The following SLC35F4 variants were observed in gnomAD, a reference collection of about 807,000 sequenced individuals.
SLC35F4 encodes the protein solute carrier family 35 member F4.
In SLC35F4, 24 loss-of-function variants were observed where a neutral mutation model predicts 44.2. That is an observed-to-expected ratio of 0.54 (90% confidence interval 0.39 to 0.76). The LOEUF (loss-of-function observed/expected upper bound fraction) is 0.76, where lower values mean the gene tolerates loss of function less well. Ranked by LOEUF, SLC35F4 falls within the 30% of genes least tolerant of loss-of-function variation. SLC35F4 has a pLI of 0.00. For missense variants in SLC35F4, 562 were observed against 586.1 expected (o/e 0.96, Z 0.42); for synonymous variants, 238 against 223.6 (o/e 1.06, Z -0.57).
At chr14:57,959,013 A>T (rs747519302) in intron 1 of SLC35F4, among the ~76,000 whole-genome samples, 1 of 152,210 alleles carries the variant, frequency 6.6e-6, no homozygotes, top group Non-Finnish European at 1.5e-5. Flanking sequence ...GACTGGGTCC[A>T]TGTGGCAGGG....
chr14:57,927,252 T>C (rs1409354325), intron 1 of SLC35F4, among the ~76,000 whole-genome samples: 2 of 152,306 alleles, frequency 1.3e-5, no homozygotes, highest in East Asian at 3.9e-4. Flanking sequence ...ATGCCTGCCT[T>C]AGGGGTAAGA....
In SLC35F4 at chr14:57,838,548, G is replaced by C. The variant is rs574173009; in HGVS notation, c.103+27175C>G. On this transcript the variant is annotated intron_variant, in intron 1 of 7. Transcript: ENST00000556826. ...TGAAATATAATTTAGTACTGTCTCT[G>C]CCTTTGAGGTCCAATGTTTGTTTAA... is the stretch of plus-strand genomic sequence containing the variant. Among the ~76,000 whole-genome samples, 190 of 152,246 alleles carry C rather than the reference G, an allele frequency of 1.2e-3. 5 individuals are homozygous for C. The South Asian group carries it at 0.039, about 31-fold the overall frequency.
chr14:57,943,331 G>A (rs1481328154), intron 1 of SLC35F4, among the ~76,000 whole-genome samples: 1 of 152,098 alleles, frequency 6.6e-6, no homozygotes, highest in Non-Finnish European at 1.5e-5. Context: ...AAAGAGCAGT[G>A]GGATTCTTAT....
At chr14:57,756,213 A>G (rs920848051) in intron 1 of SLC35F4, among the ~76,000 whole-genome samples, 2 of 151,980 alleles carry the variant, frequency 1.3e-5, no homozygotes, top group African/African-American at 4.8e-5. Context: ...AATGCCACAC[A>G]TTTTCCTCCA....
chr14:57,749,918 C>A (rs769124256), intron 1 of SLC35F4, among the ~76,000 whole-genome samples: 1 of 152,108 alleles, frequency 6.6e-6, no homozygotes, highest in African/African-American at 2.4e-5. Context: ...AATTTATATA[C>A]ATTTATGGGA....
chr14:57,925,079 C>T (rs808236), intron 1 of SLC35F4, among the ~76,000 whole-genome samples: 30,684 of 151,856 alleles, frequency 0.2, 3,317 homozygotes, highest in East Asian at 0.27. Flanking sequence ...AACAAGCTCT[C>T]GCAGGAACTA....
intron 6 of SLC35F4, among the ~76,000 whole-genome samples, chr14:57,569,426 C>T (rs1005620673): frequency 1.2e-4 from 19 of 152,150 alleles, no homozygotes; most frequent in African/African-American, 3.9e-4. Context: ...TTTGAATGCA[C>T]CGTCTACTCC....
chr14:57,966,779 G>A (rs916429432), intron 1 of SLC35F4, among the ~76,000 whole-genome samples: 4 of 152,188 alleles, frequency 2.6e-5, no homozygotes, highest in African/African-American at 7.2e-5. Flanking sequence ...GGGGACCAAG[G>A]CAGGTGGATC....
chr14:57,667,992 C>T (rs1361820194), intron 1 of SLC35F4, among the ~76,000 whole-genome samples: 2 of 144,004 alleles, frequency 1.4e-5, no homozygotes, highest in African/African-American at 5.3e-5. Context: ...CTCTCCAGCA[C>T]CTGTTGTTTC....
chr14:57,895,525 A>T (rs1888852619), intron 1 of SLC35F4, among the ~76,000 whole-genome samples: 1 of 151,866 alleles, frequency 6.6e-6, no homozygotes, highest in Admixed American at 6.6e-5. Context: ...ATGAGTTCTC[A>T]TGAGATCTGA....
chr14:57,902,214 A>T (rs1889015466), intron 1 of SLC35F4, among the ~76,000 whole-genome samples: 1 of 152,208 alleles, frequency 6.6e-6, no homozygotes, highest in Admixed American at 6.5e-5. Context: ...TCCTTTTGAG[A>T]AAGCAATTTG....
At chr14:57,709,526 C>G (rs966578246) in intron 1 of SLC35F4, among the ~76,000 whole-genome samples, 2 of 151,886 alleles carry the variant, frequency 1.3e-5, no homozygotes, top group African/African-American at 4.8e-5. Flanking sequence ...TCTAGTATAA[C>G]TATTCTTATT....
intron 1 of SLC35F4, among the ~76,000 whole-genome samples, chr14:57,756,863 T>C (rs1229332547): frequency 6.6e-6 from 1 of 151,846 alleles, no homozygotes; most frequent in Non-Finnish European, 1.5e-5. Flanking sequence ...GTTTTCACCA[T>C]GTTGCCCAAG....
intron 1 of SLC35F4, among the ~76,000 whole-genome samples, chr14:57,675,761 A>T (rs62004038): frequency 6.6e-6 from 1 of 152,028 alleles, no homozygotes; most frequent in African/African-American, 2.4e-5. Flanking sequence ...ATCTGCACCT[A>T]TTGAGATGAT....
intron 1 of SLC35F4, among the ~76,000 whole-genome samples, chr14:57,897,490 C>T (rs1955644): frequency 0.091 from 13,720 of 151,594 alleles, 685 homozygotes; most frequent in Middle Eastern, 0.11. Flanking sequence ...AGCGACTGAA[C>T]TATAAACTCC....
intron 1 of SLC35F4, among the ~76,000 whole-genome samples, chr14:57,854,608 G>T (rs1199648360): frequency 6.6e-6 from 1 of 152,120 alleles, no homozygotes; most frequent in Non-Finnish European, 1.5e-5. Context: ...CTTCAGCTGA[G>T]ATTCCACCTT....
At chr14:57,622,626 A>G (rs1279766352) in intron 1 of SLC35F4, among the ~76,000 whole-genome samples, 2 of 28,808 alleles carry the variant, frequency 6.9e-5, no homozygotes, top group African/African-American at 1.1e-4. Context: ...CAATGAGAAC[A>G]CATGGACACA....
At chr14:57,662,275 T>C (rs910262313) in intron 1 of SLC35F4, among the ~76,000 whole-genome samples, 3 of 152,188 alleles carry the variant, frequency 2.0e-5, no homozygotes, top group Non-Finnish European at 2.9e-5. Flanking sequence ...CAAGCTGAAA[T>C]TGCCACCTGG....
rs59183207 is a variant in SLC35F4, at chr14:57,944,987, G to A, written n.282+36926C>T. Among the ~76,000 whole-genome samples the A allele has an allele frequency of 1.1e-3, 173 of 152,112 alleles. 1 individual carries two copies. Among genetic ancestry groups the A allele is most frequent in the Middle Eastern group, 3.4e-3 (1 of 294 alleles). ...GCCTGCCCAACCTTGGGCTGGTGTC[G>A]CTCTTGTTATTGACAAAGATAAGTA... On this transcript the variant is annotated intron_variant and non_coding_transcript_variant, in intron 1 of 1. Coordinates refer to the SLC35F4 transcript ENST00000556568.
Sources: gnomAD v4.1 joint callset for allele counts (sites outside exome capture counted in the v4.1 genomes callset) on GRCh38, gnomAD v4.1.1 for gene constraint, MANE v1.5 for transcripts, NCBI Gene and HGNC (gene_info 2026-07-23, HGNC 2026-07-21) for gene names.